SYNE1: variants seen among roughly 807,000 people sequenced by gnomAD.
SYNE1 encodes the protein spectrin repeat containing nuclear envelope protein 1, also known as nesprin-1.
In SYNE1, 616 loss-of-function variants were observed where a neutral mutation model predicts 1,111.0. That is an observed-to-expected ratio of 0.55 (90% CI 0.52 to 0.59). The LOEUF is 0.59. Ranked by LOEUF, SYNE1 falls within the 20% of genes least tolerant of loss-of-function variation. The pLI, the probability that SYNE1 is intolerant of heterozygous loss-of-function variation, is 0.00. For synonymous variants in SYNE1, 3,855 were observed against 3,825.8 expected (o/e 1.01, Z -0.28); for missense variants, 10,006 against 10,417.0 (o/e 0.96, Z 1.72).
intron 140 of SYNE1, among the ~76,000 whole-genome samples, chr6:152,139,717 A>AAAAGAAAGAAAGAAAG (rs138419982): frequency 7.3e-5 from 7 of 95,426 alleles, no homozygotes; most frequent in Admixed American, 2.3e-4. Context: ...AAAAGAAAGA[A>AAAAGAAAGAAAGAAAG]AAAGAAAGAA....
At chr6:152,351,289 G>A (rs1334250327) in intron 70 of SYNE1, among the ~76,000 whole-genome samples, 7 of 152,200 alleles carry the variant, frequency 4.6e-5, no homozygotes, top group South Asian at 2.1e-4. Context: ...ACAAGTTGTC[G>A]GGCTTGGCAG....
At position 152,358,392 on chromosome 6, in the gene SYNE1, G is replaced by C. The variant is rs1406786605; in HGVS notation, c.10589C>G (p.Thr3530Arg). 2.5e-6 allele frequency: 4 copies of C among 1,614,120 alleles called. No individual in the cohort carries two copies. Among genetic ancestry groups the C allele is most frequent in the Non-Finnish European group, 3.4e-6 (4 of 1,180,014 alleles). Residue 3530 changes from threonine (T) to arginine (R), a missense_variant, in exon 66 of 146, where the codon ACA (threonine) becomes AGA (arginine). Physicochemically the swap from Thr to Arg is moderately conservative, Grantham distance 71 (BLOSUM62 -1). This residue lies in a region of SYNE1 where 4,955 missense variants were observed against 5,017.2 expected (regional missense o/e 0.99). Coordinates refer to ENST00000367255, the MANE Select transcript of SYNE1 (RefSeq NM_182961.4). ...VLEGDAHTHE[T>R]TLRDLQELQV... ...CCTTACCTGAAGATCACGCAATGTT[G>C]TCTCATGAGTGTGGGCATCACCTTC...
Position 152,510,196 on chromosome 6 carries a change from C to T in SYNE1, c.578G>A (p.Gly193Asp), listed in dbSNP as rs555846215. ...ALLKWVQYTA[G>D]KQTGIEVKDF... Reference sequence around the variant, plus strand: ...TAGACAAACTCTTGATACTTACTTGCCAGCTGTGTACTGAACCCACTTTAA... The same window carrying T: ...TAGACAAACTCTTGATACTTACTTGTCAGCTGTGTACTGAACCCACTTTAA... Residue 193 changes from glycine to aspartate, a missense_variant, in exon 8 of 146, where the codon GGC becomes GAC. By Grantham distance (94) the Gly-to-Asp change is moderately conservative. This residue lies in a region of SYNE1 where 1,971 missense variants were observed against 2,084.1 expected (regional missense o/e 0.95). Transcript: ENST00000367255. 4.1e-5 allele frequency: 66 copies of T among 1,613,774 alleles called. 2 individuals carry two copies. The highest frequency in any genetic ancestry group is 4.0e-4 in the East Asian group (18 of 44,848).
intron 3 of SYNE1, among the ~76,000 whole-genome samples, chr6:152,621,734 T>C (rs1009146938): frequency 6.6e-6 from 1 of 152,192 alleles, no homozygotes; most frequent in African/African-American, 2.4e-5. Context: ...GACCAAGCAC[T>C]ACACAAATGT....
In SYNE1 at chr6:152,135,196, G is replaced by T. The variant is rs886043887; in HGVS notation, c.25696C>A (p.Leu8566Met). Residue 8566 changes from leucine (L) to methionine (M), a missense_variant, in exon 142 of 146, where the codon CTG becomes ATG. Physicochemically the swap from Leu to Met is conservative, Grantham distance 15 (BLOSUM62 2). Transcript: ENST00000367255. The part of the protein sequence containing the change: ...HEMSHGLLLM[L>M]ENIDRRKNEI... ...TTTTTCCTTCTGTCAATGTTCTCCA[G>T]CATAAGAAGCAAACCATGGCTCATT... 3.7e-6 allele frequency: 6 copies of T among 1,614,064 alleles called. No individual in the cohort carries two copies. The highest frequency in any genetic ancestry group is 5.1e-6 in the Non-Finnish European group (6 of 1,179,990).
At chr6:152,600,897 T>C (rs1040986842) in intron 3 of SYNE1, among the ~76,000 whole-genome samples, 6 of 152,174 alleles carry the variant, frequency 3.9e-5, no homozygotes, top group African/African-American at 1.4e-4. Context: ...ACGGTAAAAA[T>C]GATATTTTAG....
chr6:152,403,989 C>T (rs1256374549), intron 46 of SYNE1, among the ~76,000 whole-genome samples: 1 of 150,230 alleles, frequency 6.7e-6, no homozygotes, highest in Non-Finnish European at 1.5e-5. Flanking sequence ...ATGATAACAT[C>T]GAGGACATAT....
chr6:152,199,081 A>C (rs1163001837), intron 127 of SYNE1, among the ~76,000 whole-genome samples: 3 of 152,128 alleles, frequency 2.0e-5, no homozygotes, highest in African/African-American at 7.2e-5. Flanking sequence ...CCCATATTTC[A>C]TTTGCTTCCA....
chr6:152,496,617 C>T lies in SYNE1; in HGVS notation c.939+2125G>A, dbSNP rs181122225. The stretch of plus-strand genomic sequence containing the variant: ...CCAAAATCTTTCTTCAGTTTAATCT[C>T]TCCCACTCTAGGTTCCCACATCAGC... On this transcript the variant is annotated intron_variant, in intron 11 of 145. Coordinates refer to ENST00000367255, the MANE Select transcript of SYNE1 (RefSeq NM_182961.4). Among the ~76,000 whole-genome samples the T allele has an allele frequency of 1.6e-4, 24 of 152,272 alleles. No individual in the cohort carries two copies. The East Asian group carries it at 3.9e-3, about 24-fold the overall frequency.
rs752062115 is a variant in SYNE1, at chr6:152,149,682, A to G, written c.24451-14T>C. ...CTGCTGGAAGGCCTAGGGAGTACAA[A>G]TCTCATGTGATTTTGCTATTGTTGT... On this transcript the variant is annotated splice_polypyrimidine_tract_variant and intron_variant, in intron 135 of 145. Transcript: ENST00000367255. 7 of 1,610,482 alleles carry G rather than the reference A, an allele frequency of 4.3e-6. No individual in the cohort carries two copies. The South Asian group carries it at 7.7e-5, about 18-fold the overall frequency.
At chr6:152,412,850 A>AGTTTTTTT in intron 42 of SYNE1, among the ~76,000 whole-genome samples, 2 of 104,164 alleles carry the variant, frequency 1.9e-5, no homozygotes, top group Non-Finnish European at 3.9e-5. Context: ...TTTCACATGT[A>AGTTTTTTT]ATTTTTTTTT....
intron 115 of SYNE1, 35 bp from the exon 116 acceptor site, chr6:152,225,911 T>C (rs747161133): frequency 1.2e-6 from 2 of 1,602,892 alleles, no homozygotes; most frequent in Non-Finnish European, 1.7e-6. Context: ...TTTAAATTGT[T>C]CTATTATGGA....
chr6:152,283,091 A>G (rs1218487519), intron 96 of SYNE1, among the ~76,000 whole-genome samples: 2 of 152,228 alleles, frequency 1.3e-5, no homozygotes, highest in Non-Finnish European at 2.9e-5. Context: ...TACAGGAGCA[A>G]CAATATGAGT....
chr6:152,323,373 A>G (rs1451029034), intron 82 of SYNE1, 105 bp downstream of exon 82: 1 of 1,526,334 alleles, frequency 6.6e-7, no homozygotes, highest in African/African-American at 1.4e-5. Context: ...CGGGAGGCGG[A>G]GCTTGCAGTG....
rs538119421 is a variant in SYNE1, at chr6:152,292,757, A to G, written c.18012+831T>C. On this transcript the variant is annotated intron_variant, in intron 95 of 145. Transcript: ENST00000367255. ...CATAGCTCTTAATTAACATCTAAAAATATCTTTCTTTCCTCCTGCCTTCTG... is the reference window on the plus strand; with the variant it reads ...CATAGCTCTTAATTAACATCTAAAAGTATCTTTCTTTCCTCCTGCCTTCTG... Among the ~76,000 whole-genome samples, 3 of 152,284 alleles carry G rather than the reference A, an allele frequency of 2.0e-5. No individual in the cohort carries two copies. In the East Asian group the frequency reaches 5.8e-4, roughly 29 times the overall value.
intron 81 of SYNE1, among the ~76,000 whole-genome samples, chr6:152,324,278 A>G (rs1278683404): frequency 6.6e-6 from 1 of 152,120 alleles, no homozygotes; most frequent in Non-Finnish European, 1.5e-5. Flanking sequence ...GGGTGCCTGT[A>G]ATCCCAGCTA....
intron 30 of SYNE1, among the ~76,000 whole-genome samples, chr6:152,443,510 C>T (rs543073432): frequency 4.6e-5 from 7 of 152,206 alleles, no homozygotes; most frequent in South Asian, 4.2e-4. Context: ...GTGATGCGCC[C>T]GCCTCGGCCT....
chr6:152,343,422 G>T (rs1290679122), intron 74 of SYNE1, among the ~76,000 whole-genome samples: 1 of 149,590 alleles, frequency 6.7e-6, no homozygotes, highest in Non-Finnish European at 1.5e-5. Context: ...GCCTCTCAAA[G>T]TGTTGGGATT....
chr6:152,227,054 T>C (rs567928811), intron 115 of SYNE1, among the ~76,000 whole-genome samples: 2 of 152,162 alleles, frequency 1.3e-5, no homozygotes, highest in Non-Finnish European at 2.9e-5. Context: ...AGTAATAAGA[T>C]TGAAATTGGA....
Sources: gnomAD v4.1 joint callset for allele counts (sites outside exome capture counted in the v4.1 genomes callset) on GRCh38, gnomAD v4.1.1 for gene constraint, gnomAD v4.1.1 regional missense constraint, MANE v1.5 for transcripts, NCBI Gene and HGNC (gene_info 2026-07-23, HGNC 2026-07-21) for gene names.